The following KLHL5 variants were observed in gnomAD, a reference collection of about 807,000 sequenced individuals.
KLHL5 encodes the protein kelch like family member 5, also known as kelch-like protein 5.
KLHL5 carries 48 observed loss-of-function variants against 77.7 expected under a neutral mutation model. The ratio of observed to expected loss-of-function variants is 0.62; its 90% CI spans 0.49 to 0.79. The LOEUF is 0.79. Among genes scored for constraint, KLHL5 ranks in the 30% least tolerant of loss-of-function variants. The pLI, the probability that KLHL5 is intolerant of heterozygous loss-of-function variation, is 0.00. For missense variants in KLHL5, 723 were observed against 859.7 expected (o/e 0.84, Z 1.99); for synonymous variants, 260 against 297.0 (o/e 0.88, Z 1.28).
Position 39,081,155 on chromosome 4 carries a change from G to A in KLHL5, c.619G>A (p.Val207Ile), listed in dbSNP as rs1719582250. Residue 207 changes from valine (V) to isoleucine (I), a missense_variant, in exon 3 of 11, where the codon GTC (valine) becomes ATC (isoleucine). Coordinates refer to ENST00000504108, the MANE Select transcript of KLHL5 (RefSeq NM_015990.5). The surrounding 1 kb of genome is among the most constrained non-coding windows in gnomAD (Gnocchi z 4.3). ...TTTTGCTGCCATGTTTACTAATGAT[G>A]TCAGAGAGGCAAGACAAGAAGAAAT... ...DYFAAMFTNDVREARQEEIKM... is the reference protein window; with the variant it reads ...DYFAAMFTNDIREARQEEIKM... 4 of 1,612,606 alleles carry A rather than the reference G, an allele frequency of 2.5e-6. No individual in the cohort carries two copies. The highest frequency in any genetic ancestry group is 1.1e-5 in the South Asian group (1 of 90,900).
Position 39,125,372 on chromosome 4 carries a change from C to CAAGCA in KLHL5, c.*4309_*4313dup, listed in dbSNP as rs1723479063. Among the ~76,000 whole-genome samples the CAAGCA allele has an allele frequency of 6.6e-6, 1 of 152,120 alleles. No homozygotes were observed. Among genetic ancestry groups the CAAGCA allele is most frequent in the Non-Finnish European group, 1.5e-5 (1 of 68,020 alleles). On this transcript the variant is annotated 3_prime_UTR_variant, in exon 11 of 11. Coordinates refer to ENST00000504108, the MANE Select transcript of KLHL5 (RefSeq NM_015990.5). ...CTGAAAAGAACTGAAAACAGGTGTT[C>CAAGCA]AAGCAAAAACTTTCACGCAAATATT...
At chr4:39,113,717 T>G (rs543625410) in intron 9 of KLHL5, among the ~76,000 whole-genome samples, 1 of 152,280 alleles carries the variant, frequency 6.6e-6, no homozygotes, top group South Asian at 2.1e-4. Context: ...TTTAGTCTAG[T>G]ACAAGGAATA....
chr4:39,143,036 T>TACAC, the KLHL5 span, among the ~76,000 whole-genome samples: 3 of 149,768 alleles, frequency 2.0e-5, no homozygotes, highest in Non-Finnish European at 3.0e-5. Flanking sequence ...TGTATAAAGT[T>TACAC]ACACACACAC....
chr4:39,140,908 T>G, the KLHL5 span, among the ~76,000 whole-genome samples: 1 of 152,218 alleles, frequency 6.6e-6, no homozygotes, highest in Non-Finnish European at 1.5e-5. Flanking sequence ...ATTGATACCC[T>G]TCCCTGTGGA....
chr4:39,056,583 A>C (rs558261083), intron 1 of KLHL5, among the ~76,000 whole-genome samples: 3 of 152,294 alleles, frequency 2.0e-5, no homozygotes, highest in Non-Finnish European at 4.4e-5. Context: ...TATCGAGTGA[A>C]TAGAATACAA....
intron 4 of KLHL5, among the ~76,000 whole-genome samples, chr4:39,084,945 A>G (rs1719915144): frequency 6.6e-6 from 1 of 152,110 alleles, no homozygotes; most frequent in Non-Finnish European, 1.5e-5. Flanking sequence ...CATATAGGCT[A>G]TTTCCCATTT....
intron 6 of KLHL5, among the ~76,000 whole-genome samples, chr4:39,097,921 A>G (rs992588386): frequency 1.3e-5 from 2 of 152,070 alleles, no homozygotes; most frequent in Non-Finnish European, 2.9e-5. Context: ...GCTTAAGGTC[A>G]GGAGTTTAAG....
chr4:39,107,763 G>T, intron 8 of KLHL5, 32 bp downstream of exon 8: 2 of 1,516,186 alleles, frequency 1.3e-6, no homozygotes, highest in South Asian at 1.2e-5. Context: ...CATTTAAAAT[G>T]CAATACACCA....
Position 39,107,693 on chromosome 4 carries a change from C to A in KLHL5, c.1650C>A (p.Thr550=). The A allele has an allele frequency of 6.2e-7, 1 of 1,611,988 alleles. No homozygotes were observed. The highest frequency in any genetic ancestry group is 1.1e-5 in the South Asian group (1 of 90,874). ...RQWNFVATMS[T]PRSTVGVAVL... ...GGAATTTTGTTGCCACTATGTCTACCCCTAGGAGTACAGTAGGTGTGGCAG... is the reference window on the plus strand; with the variant it reads ...GGAATTTTGTTGCCACTATGTCTACACCTAGGAGTACAGTAGGTGTGGCAG... The change falls in exon 8 of 11, where the codon ACC becomes ACA. Residue 550 remains threonine, a synonymous_variant. Coordinates refer to ENST00000504108, the MANE Select transcript of KLHL5 (RefSeq NM_015990.5).
At chr4:39,045,369 G>C (rs1331959689) in intron 1 of KLHL5, among the ~76,000 whole-genome samples, 4 of 151,700 alleles carry the variant, frequency 2.6e-5, no homozygotes, top group Admixed American at 1.3e-4. Context: ...GGCCGCCCTG[G>C]AGTTGTGGAA....
chr4:39,049,100 G>A (rs554609736), intron 1 of KLHL5, among the ~76,000 whole-genome samples: 1 of 152,106 alleles, frequency 6.6e-6, no homozygotes, highest in Non-Finnish European at 1.5e-5. Context: ...GTCTGTGAAC[G>A]GTCTTAATGA....
At chr4:39,077,389 G>C (rs1577674799) in intron 2 of KLHL5, among the ~76,000 whole-genome samples, 1 of 152,126 alleles carries the variant, frequency 6.6e-6, no homozygotes, top group Non-Finnish European at 1.5e-5. Flanking sequence ...GTGAACCCAG[G>C]AGGCAGAGCT....
At chr4:39,140,397 G>C in the KLHL5 span, among the ~76,000 whole-genome samples, 3 of 152,148 alleles carry the variant, frequency 2.0e-5, no homozygotes, top group Non-Finnish European at 4.4e-5. Context: ...TTGTATTATG[G>C]TTTTATAGAT....
chr4:39,095,127 C>T (rs1051971296), intron 5 of KLHL5, among the ~76,000 whole-genome samples: 1 of 151,902 alleles, frequency 6.6e-6, no homozygotes, highest in Admixed American at 6.6e-5. Context: ...ACAAGGAACT[C>T]TTAAAATTTT....
At chr4:39,135,358 G>A in the KLHL5 span, 1 of 152,220 alleles carries the variant, frequency 6.6e-6, no homozygotes, top group Admixed American at 6.5e-5. Context: ...GTAAGTGGTA[G>A]GCTATCCTGC....
Position 39,081,167 on chromosome 4 carries a change from A to T in KLHL5, c.631A>T (p.Arg211Ter). The T allele has an allele frequency of 6.2e-7, 1 of 1,613,126 alleles. No homozygotes were observed. Among genetic ancestry groups the T allele is most frequent in the Non-Finnish European group, 8.5e-7 (1 of 1,179,584 alleles). ...AMFTNDVREA[R>*]QEEIKMEGVE... ...GTTTACTAATGATGTCAGAGAGGCA[A>T]GACAAGAAGAAATAAAAATGGAAGG... is the stretch of plus-strand genomic sequence containing the variant. Residue 211 changes from arginine (R) to a stop codon, truncating the protein, a stop_gained, in exon 3 of 11, where the codon AGA becomes TGA. Transcript: ENST00000504108. LOFTEE classifies it high-confidence loss of function. The surrounding 1 kb of genome is among the most constrained non-coding windows in gnomAD (Gnocchi z 4.3).
rs980510169 is a variant in KLHL5 at position 39,123,664 on chromosome 4, T to C, written c.*2598T>C. Among the ~76,000 whole-genome samples, 1 of 152,156 alleles carries C rather than the reference T, an allele frequency of 6.6e-6. No individual in the cohort carries two copies. Among genetic ancestry groups the C allele is most frequent in the African/African-American group, 2.4e-5 (1 of 41,424 alleles). ...AGCATTTGACAAAAATCCAACACCC[T>C]TTCATGGTAAAAACACTCTGCAAAC... is the stretch of plus-strand genomic sequence containing the variant. On this transcript the variant is annotated 3_prime_UTR_variant, in exon 11 of 11. Transcript: ENST00000504108.
Position 39,103,400 on chromosome 4 carries a change from G to A in KLHL5, c.1414G>A (p.Val472Met). 6.2e-7 allele frequency: 1 copy of A among 1,614,196 alleles called. No individual in the cohort carries two copies. Among genetic ancestry groups the A allele is most frequent in the South Asian group, 1.1e-5 (1 of 91,084 alleles). ...GVAVLDDKLYVVGGRDGLKTL... is the reference protein window; with the variant it reads ...GVAVLDDKLYMVGGRDGLKTL... ...TGCAGTGCTAGATGACAAACTGTAT[G>A]TGGTTGGAGGAAGAGATGGACTGAA... The change falls in exon 7 of 11, where the codon GTG becomes ATG. Residue 472 changes from valine (V) to methionine (M), a missense_variant. Val to Met is a conservative substitution (Grantham distance 21). This residue lies in a region of KLHL5 where 288 missense variants were observed against 400.3 expected (regional missense o/e 0.72). Transcript: ENST00000504108.
chr4:39,054,107 G>A (rs1245015377), intron 1 of KLHL5, among the ~76,000 whole-genome samples: 3 of 152,016 alleles, frequency 2.0e-5, no homozygotes, highest in South Asian at 2.1e-4. Flanking sequence ...AGATATTATC[G>A]GCAAAGAATT....
Sources: gnomAD v4.1 joint callset for allele counts (sites outside exome capture counted in the v4.1 genomes callset) on GRCh38, gnomAD v4.1.1 for gene constraint, gnomAD v4.1.1 regional missense constraint, Gnocchi (gnomAD v3.1) non-coding constraint, MANE v1.5 for transcripts, NCBI Gene and HGNC (gene_info 2026-07-23, HGNC 2026-07-21) for gene names.